The following HHAT variants were observed in gnomAD, a reference collection of about 807,000 sequenced individuals.
HHAT encodes hedgehog acyltransferase.
HHAT carries 47 observed loss-of-function variants against 70.8 expected under a neutral mutation model. The observed-to-expected ratio is 0.66, with a 90% confidence interval of 0.53 to 0.85. The LOEUF (loss-of-function observed/expected upper bound fraction) is 0.85. Ranked by LOEUF, HHAT falls within the 40% of genes least tolerant of loss-of-function variation. The pLI, the probability that HHAT is intolerant of heterozygous loss-of-function variation, is 0.00. For missense variants in HHAT, 609 were observed against 604.8 expected, an observed-to-expected ratio of 1.01 and a Z score of -0.07; for synonymous variants, 228 against 247.6, an observed-to-expected ratio of 0.92 and a Z score of 0.74.
intron 10 of HHAT, among the ~76,000 whole-genome samples, chr1:210,606,135 C>T (rs1234184342): frequency 2.0e-5 from 3 of 152,190 alleles, no homozygotes; most frequent in Non-Finnish European, 4.4e-5. Context: ...GCTGGTATTA[C>T]AGGCATGAGC....
chr1:210,639,170 T>G (rs1174634291), intron 11 of HHAT, among the ~76,000 whole-genome samples: 2 of 152,124 alleles, frequency 1.3e-5, no homozygotes, highest in African/African-American at 4.8e-5. Flanking sequence ...TGTCCACTCT[T>G]CCTTCCTTCA....
At chr1:210,612,770 G>A (rs7538722) in intron 10 of HHAT, among the ~76,000 whole-genome samples, 151,342 of 152,314 alleles carry the variant, frequency 0.99, 75,197 homozygotes, top group Middle Eastern at 1. Flanking sequence ...CCAGCAATAC[G>A]TAGGGCTTAA....
At position 210,420,269 on chromosome 1, in the gene HHAT, T is replaced by C. The variant is rs181749109; in HGVS notation, c.856+1944T>C. 6.3e-5 allele frequency among the ~76,000 whole-genome samples: 8 copies of C among 126,962 alleles called. No homozygotes were observed. The East Asian group carries it at 1.7e-3, about 27-fold the overall frequency. The allele number at this position is 126,962 out of a possible 152,430, so 83.3% of individuals were successfully genotyped here. ...TTATGTATGTTCTGTGACTTGGTTT[T>C]CTTGTTTAACATTATGTTTTTGAGA... On this transcript the variant is annotated intron_variant, in intron 7 of 11. Transcript: ENST00000261458.
At chr1:210,583,405 T>C (rs1205044670) in intron 9 of HHAT, among the ~76,000 whole-genome samples, 1 of 152,200 alleles carries the variant, frequency 6.6e-6, no homozygotes, top group Non-Finnish European at 1.5e-5. Flanking sequence ...GCTGAGAAGG[T>C]GGTGCTGATT....
At chr1:210,363,780 C>A (rs1412289137) in intron 3 of HHAT, among the ~76,000 whole-genome samples, 1 of 152,084 alleles carries the variant, frequency 6.6e-6, no homozygotes, top group Non-Finnish European at 1.5e-5. Context: ...GTTTTGTTTT[C>A]TATTTTTACT....
intron 8 of HHAT, among the ~76,000 whole-genome samples, chr1:210,486,993 A>G (rs778508810): frequency 6.6e-6 from 1 of 152,198 alleles, no homozygotes; most frequent in African/African-American, 2.4e-5. Context: ...ACTTAGAGCC[A>G]TATAATTATT....
chr1:210,469,023 T>C (rs547331235), intron 8 of HHAT, among the ~76,000 whole-genome samples: 1 of 152,214 alleles, frequency 6.6e-6, no homozygotes, highest in East Asian at 1.9e-4. Context: ...GAGCCTGGCG[T>C]ATAGTAGGTC....
intron 4 of HHAT, among the ~76,000 whole-genome samples, chr1:210,395,816 T>C (rs1291880763): frequency 3.9e-5 from 6 of 152,182 alleles, no homozygotes; most frequent in African/African-American, 1.4e-4. Flanking sequence ...CAAGGTTAAA[T>C]CCCAAGACTT....
chr1:210,410,489 ATTGT>A (rs371682576), intron 6 of HHAT, among the ~76,000 whole-genome samples: 7 of 133,320 alleles, frequency 5.3e-5, no homozygotes, highest in African/African-American at 8.7e-5. Context: ...TGAAAGTTGG[ATTGT>A]TTTTCTTTTG....
At chr1:210,389,827 C>G (rs771559558) in intron 4 of HHAT, among the ~76,000 whole-genome samples, 4 of 152,170 alleles carry the variant, frequency 2.6e-5, no homozygotes, top group Non-Finnish European at 5.9e-5. Context: ...GAGGGCAGAG[C>G]TCTCATGATC....
chr1:210,441,319 A>G (rs2093502276), intron 7 of HHAT, among the ~76,000 whole-genome samples: 1 of 152,216 alleles, frequency 6.6e-6, no homozygotes, highest in African/African-American at 2.4e-5. Context: ...TGGGAGTTAC[A>G]TAGGAAATCT....
At chr1:210,452,227 A>G (rs893407538) in intron 7 of HHAT, among the ~76,000 whole-genome samples, 3 of 151,826 alleles carry the variant, frequency 2.0e-5, no homozygotes, top group South Asian at 2.1e-4. Flanking sequence ...CCATTTTTCT[A>G]TTTTTCATGC....
intron 8 of HHAT, among the ~76,000 whole-genome samples, chr1:210,485,127 G>A (rs529577655): frequency 6.6e-6 from 1 of 152,184 alleles, no homozygotes; most frequent in Non-Finnish European, 1.5e-5. Context: ...GACAGTACAT[G>A]AGAATATGAA....
At chr1:210,537,635 G>C (rs1161224023) in intron 9 of HHAT, among the ~76,000 whole-genome samples, 1 of 152,196 alleles carries the variant, frequency 6.6e-6, no homozygotes, top group Non-Finnish European at 1.5e-5. Context: ...AATGTGTCAT[G>C]TTGGTTAATT....
chr1:210,438,172 G>A (rs543253170), intron 7 of HHAT, among the ~76,000 whole-genome samples: 2 of 136,098 alleles, frequency 1.5e-5, no homozygotes, highest in African/African-American at 6.2e-5. Flanking sequence ...GATTCTCCGT[G>A]TTTGTGTGTG....
intron 10 of HHAT, among the ~76,000 whole-genome samples, chr1:210,619,233 G>GT (rs771247415): frequency 6.6e-6 from 1 of 152,032 alleles, no homozygotes; most frequent in Non-Finnish European, 1.5e-5. Context: ...TGGACAACTG[G>GT]TCACCCCTGC....
At chr1:210,397,841 T>C (rs574905077) in intron 4 of HHAT, among the ~76,000 whole-genome samples, 2 of 152,322 alleles carry the variant, frequency 1.3e-5, no homozygotes, top group Non-Finnish European at 2.9e-5. Context: ...ACCCTCTTCA[T>C]AGTGCTTGAG....
chr1:210,409,266 T>C (rs1439698894), intron 6 of HHAT, among the ~76,000 whole-genome samples: 1 of 152,034 alleles, frequency 6.6e-6, no homozygotes, highest in Non-Finnish European at 1.5e-5. Context: ...ACAATGCAGA[T>C]AGAGTGAAGG....
chr1:210,390,825 TTA>T (rs1375401852), intron 4 of HHAT, among the ~76,000 whole-genome samples: 1 of 152,240 alleles, frequency 6.6e-6, no homozygotes, highest in Admixed American at 6.5e-5. Flanking sequence ...GCAAAAGACA[TTA>T]TTTCATTCCT....
Sources: gnomAD v4.1 joint callset for allele counts (sites outside exome capture counted in the v4.1 genomes callset) on GRCh38, gnomAD v4.1.1 for gene constraint, MANE v1.5 for transcripts, NCBI Gene and HGNC (gene_info 2026-07-23, HGNC 2026-07-21) for gene names.